The following TNFAIP6 variants were observed in gnomAD, a reference collection of about 807,000 sequenced individuals.
TNFAIP6 encodes the protein tumor necrosis factor-inducible gene 6 protein.
TNFAIP6 carries 36 observed loss-of-function variants against 33.7 expected under a neutral mutation model. The ratio of observed to expected loss-of-function variants is 1.07; its 90% confidence interval spans 0.82 to 1.41. TNFAIP6 has a LOEUF of 1.41. Among genes scored for constraint, TNFAIP6 ranks in the 40% most tolerant of loss-of-function variants. The probability of loss-of-function intolerance (pLI) is 0.00; values close to 1 mark genes in which losing one functional copy is unlikely to be tolerated. For missense variants in TNFAIP6, 273 were observed against 331.9 expected, an observed-to-expected ratio of 0.82 and a Z score of 1.38; for synonymous variants, 113 against 112.8, an observed-to-expected ratio of 1.00 and a Z score of -0.01.
chr2:151,363,998 C>G lies in TNFAIP6; in HGVS notation c.150C>G (p.Thr50=), dbSNP rs1416502602. The G allele has an allele frequency of 6.2e-7, 1 of 1,614,072 alleles. No homozygotes were observed. The highest frequency in any genetic ancestry group is 8.5e-7 in the Non-Finnish European group (1 of 1,179,994). ...REARSGKYKL[T]YAEAKAVCEF... ...CACGGTCTGGCAAATACAAGCTCAC[C>G]TACGCAGAAGCTAAGGCGGTGTGTG... The change falls in exon 2 of 6, where the codon ACC becomes ACG. Residue 50 remains threonine (T), a synonymous_variant. Coordinates refer to ENST00000243347, the MANE Select transcript of TNFAIP6 (RefSeq NM_007115.4).
chr2:151,380,575 G>A (rs1252732602), downstream of TNFAIP6, among the ~76,000 whole-genome samples: 1 of 152,172 alleles, frequency 6.6e-6, no homozygotes, highest in Non-Finnish European at 1.5e-5. Flanking sequence ...GTGTTCTGAT[G>A]AGCTGAGCAG....
At chr2:151,375,242 G>T (rs1352595678) in intron 5 of TNFAIP6, among the ~76,000 whole-genome samples, 5 of 133,996 alleles carry the variant, frequency 3.7e-5, no homozygotes, top group South Asian at 2.3e-4. Flanking sequence ...ACAACTTCAA[G>T]AAACTGGGAA....
rs747110020 is a variant in TNFAIP6 at position 151,370,006 on chromosome 2, T to C, written c.395-14T>C. ...TGCTTTGGGGTTTTTACGTTTTTTT[T>C]CTTCTCATTTCAGCAAAGGAGTGTG... is the stretch of plus-strand genomic sequence containing the variant. On this transcript the variant is annotated splice_polypyrimidine_tract_variant and intron_variant, in intron 3 of 5. Coordinates refer to ENST00000243347, the MANE Select transcript of TNFAIP6 (RefSeq NM_007115.4). The C allele has an allele frequency of 2.1e-5, 33 of 1,578,850 alleles. No individual in the cohort carries two copies. The highest frequency in any genetic ancestry group is 2.7e-5 in the Non-Finnish European group (31 of 1,162,550).
chr2:151,376,230 A>G (rs1684904023), intron 5 of TNFAIP6, among the ~76,000 whole-genome samples: 1 of 152,068 alleles, frequency 6.6e-6, no homozygotes, highest in East Asian at 1.9e-4. Flanking sequence ...TGGGCAACAA[A>G]GTAAGATTCC....
chr2:151,358,880 T>A (rs1684578008), intron 1 of TNFAIP6, among the ~76,000 whole-genome samples: 1 of 152,200 alleles, frequency 6.6e-6, no homozygotes, highest in African/African-American at 2.4e-5. Context: ...TCTCTTTATT[T>A]TAGTTGAATA....
In TNFAIP6 at chr2:151,373,294, G is replaced by A. The variant is rs1472086213; in HGVS notation, c.624-255G>A. On this transcript the variant is annotated intron_variant, in intron 4 of 5. Transcript: ENST00000243347. The stretch of plus-strand genomic sequence containing the variant: ...TGCGCCACTGCACTCCAGCCTGAGC[G>A]ACAGAGCAAGACTCCATCTAAATAA... Among the ~76,000 whole-genome samples, 9 of 152,072 alleles carry A rather than the reference G, an allele frequency of 5.9e-5. No homozygotes were observed. In the East Asian group the frequency reaches 1.5e-3, roughly 26 times the overall value.
intron 2 of TNFAIP6, among the ~76,000 whole-genome samples, chr2:151,364,377 A>G (rs77583417): frequency 0.016 from 2,426 of 152,278 alleles, 67 homozygotes; most frequent in African/African-American, 0.054. Context: ...TTTCAATGCC[A>G]TTGCTATTCT....
At chr2:151,372,591 C>A (rs949144773) in intron 4 of TNFAIP6, among the ~76,000 whole-genome samples, 1 of 152,220 alleles carries the variant, frequency 6.6e-6, no homozygotes, top group Middle Eastern at 3.4e-3. Context: ...CATTCTTCTA[C>A]AACTGTGAAG....
intron 5 of TNFAIP6, among the ~76,000 whole-genome samples, chr2:151,374,613 C>A (rs892365760): frequency 5.9e-5 from 9 of 152,202 alleles, no homozygotes; most frequent in African/African-American, 1.9e-4. Flanking sequence ...ACAGATGGAA[C>A]TTCCTGCTCT....
In TNFAIP6 at chr2:151,364,096, A is replaced by G. The variant is rs756155042; in HGVS notation, c.232+16A>G. The G allele has an allele frequency of 1.2e-6, 2 of 1,612,102 alleles. No homozygotes were observed. The highest frequency in any genetic ancestry group is 2.7e-5 in the African/African-American group (2 of 74,728). ...AGAAAAATTGGTAACTGATTTCACA[A>G]TGATTTTTCTTCTTTTTTATCCTTG... On this transcript the variant is annotated intron_variant, in intron 2 of 5. Coordinates refer to ENST00000243347, the MANE Select transcript of TNFAIP6 (RefSeq NM_007115.4).
At position 151,373,532 on chromosome 2, in the gene TNFAIP6, T is replaced by C. The variant is rs756649574; in HGVS notation, c.624-17T>C. The C allele has an allele frequency of 1.3e-6, 2 of 1,523,044 alleles. No homozygotes were observed. Among genetic ancestry groups the C allele is most frequent in the East Asian group, 4.7e-5 (2 of 42,596 alleles). 94.3% of individuals were successfully genotyped at this position (1,523,044 alleles called of 1,614,324 possible). A position where few individuals can be genotyped will look rare whatever the true frequency, so the allele number is the denominator to read the frequency against. On this transcript the variant is annotated splice_polypyrimidine_tract_variant and intron_variant, in intron 4 of 5. Coordinates refer to ENST00000243347, the MANE Select transcript of TNFAIP6 (RefSeq NM_007115.4). ...ATTCATTTGTGTGACATCTCTTTTC[T>C]AAAAATTCCTTTTCAGATACTGTGG...
In TNFAIP6 at chr2:151,366,172, C is replaced by T. The variant is rs780835429; in HGVS notation, c.349C>T (p.Leu117Phe). The change falls in exon 3 of 6, where the codon CTC (leucine) becomes TTC (phenylalanine). Residue 117 changes from leucine (L) to phenylalanine (F), a missense_variant. Physicochemically the swap from Leu to Phe is conservative, Grantham distance 22. Transcript: ENST00000243347. Reference protein sequence around the residue: ...KTGIIDYGIRLNRSERWDAYC... With the variant: ...KTGIIDYGIRFNRSERWDAYC... ...TGGCATTATTGATTATGGAATCCGT[C>T]TCAATAGGAGTGAAAGATGGGATGC... 2 of 1,614,118 alleles carry T rather than the reference C, an allele frequency of 1.2e-6. No individual in the cohort carries two copies. The highest frequency in any genetic ancestry group is 3.3e-5 in the Admixed American group (2 of 60,018).
At chr2:151,373,611 CA>C in intron 5 of TNFAIP6, 22 bp downstream of exon 5, 1 of 1,445,768 alleles carries the variant, frequency 6.9e-7, no homozygotes, top group Non-Finnish European at 9.4e-7. Context: ...AATTGAGGAC[CA>C]AAACTATGAT....
chr2:151,377,425 T>C (rs187800321), intron 5 of TNFAIP6, among the ~76,000 whole-genome samples: 1 of 152,262 alleles, frequency 6.6e-6, no homozygotes, highest in East Asian at 1.9e-4. Flanking sequence ...CGCCTCGGCC[T>C]CCCAAAGTGC....
Position 151,370,140 on chromosome 2 carries a change from G to A in TNFAIP6, c.515G>A (p.Arg172His), listed in dbSNP as rs780367746. 14 of 1,613,900 alleles carry A rather than the reference G, an allele frequency of 8.7e-6. No individual in the cohort carries two copies. Among genetic ancestry groups the A allele is most frequent in the Middle Eastern group, 1.6e-4 (1 of 6,084 alleles). Residue 172 changes from arginine (R) to histidine (H), a missense_variant, in exon 4 of 6, where the codon CGT becomes CAT. Physicochemically the swap from Arg to His is conservative, Grantham distance 29. Coordinates refer to ENST00000243347, the MANE Select transcript of TNFAIP6 (RefSeq NM_007115.4). ...CACATTAGACTCAAGTATGGTCAGC[G>A]TATTCACCTGAGTTTTTTAGATTTT... ...YWHIRLKYGQRIHLSFLDFDL... is the reference protein window; with the variant it reads ...YWHIRLKYGQHIHLSFLDFDL...
At chr2:151,378,863 C>T (rs567752498) in intron 5 of TNFAIP6, among the ~76,000 whole-genome samples, 5 of 151,812 alleles carry the variant, frequency 3.3e-5, no homozygotes, top group Admixed American at 1.3e-4. Context: ...TTGGGAAGGC[C>T]GAGGTGCGTG....
intron 5 of TNFAIP6, chr2:151,373,877 A>T: frequency 4.8e-6 from 1 of 208,092 alleles, no homozygotes; most frequent in Non-Finnish European, 9.5e-6. Flanking sequence ...ATAGTTTATG[A>T]TTTCCATAAA....
At chr2:151,376,865 C>CTTTTCTTTTT (rs1684916485) in intron 5 of TNFAIP6, among the ~76,000 whole-genome samples, 1 of 114,162 alleles carries the variant, frequency 8.8e-6, no homozygotes, top group African/African-American at 3.4e-5. Context: ...TTTTTCTTTT[C>CTTTTCTTTTT]TTTTTTTTTT....
chr2:151,375,577 A>G (rs767195810), intron 5 of TNFAIP6, among the ~76,000 whole-genome samples: 12 of 152,014 alleles, frequency 7.9e-5, no homozygotes, highest in Non-Finnish European at 1.8e-4. Context: ...GTGCAGTGGC[A>G]CACGCCTGTA....
Sources: gnomAD v4.1 joint callset for allele counts (sites outside exome capture counted in the v4.1 genomes callset) on GRCh38, gnomAD v4.1.1 for gene constraint, MANE v1.5 for transcripts, NCBI Gene and HGNC (gene_info 2026-07-23, HGNC 2026-07-21) for gene names.